Variants in CHRNA2 observed in about 807,000 individuals in gnomAD.
CHRNA2 encodes the protein neuronal acetylcholine receptor subunit alpha-2.
Under a neutral mutation model 45.5 loss-of-function variants are expected in CHRNA2, and 40 were observed. That is an observed-to-expected ratio of 0.88 (90% CI 0.68 to 1.15). The LOEUF is 1.15. CHRNA2 is among the 50% of genes most tolerant of loss of function. The probability of loss-of-function intolerance (pLI) is 0.00; values close to 1 mark genes in which losing one functional copy is unlikely to be tolerated. For missense variants in CHRNA2, 655 were observed against 701.7 expected (o/e 0.93, Z 0.75); for synonymous variants, 301 against 296.7 (o/e 1.01, Z -0.15).
chr8:27,461,866 CAG>C, intron 6 of CHRNA2, 112 bp from the exon 7 acceptor site: 1 of 1,474,490 alleles, frequency 6.8e-7, no homozygotes, highest in South Asian at 1.1e-5. Flanking sequence ...AACTGCCCCA[CAG>C]AGACCTTGGG....
intron 6 of CHRNA2, among the ~76,000 whole-genome samples, chr8:27,462,660 T>C (rs1351281381): frequency 2.0e-5 from 3 of 152,128 alleles, no homozygotes; most frequent in African/African-American, 7.2e-5. Flanking sequence ...TCCAAGGCAA[T>C]GGTGGGAGCT....
intron 1 of CHRNA2, among the ~76,000 whole-genome samples, chr8:27,471,699 A>G (rs776719314): frequency 1.2e-4 from 18 of 152,236 alleles, no homozygotes; most frequent in Non-Finnish European, 2.1e-4. Flanking sequence ...CCTAGAAAGC[A>G]TTGTGCAAAG....
chr8:27,469,630 G>A, intron 3 of CHRNA2, 131 bp downstream of exon 3: 10 of 1,196,020 alleles, frequency 8.4e-6, no homozygotes, highest in Non-Finnish European at 1.1e-5. Context: ...CCTGGGAAGA[G>A]CCATCCCCAA....
intron 3 of CHRNA2, 181 bp from the exon 4 acceptor site, chr8:27,469,560 G>T: frequency 1.2e-6 from 1 of 854,564 alleles, no homozygotes; most frequent in Non-Finnish European, 1.9e-6. Flanking sequence ...AGGCACTGCT[G>T]CCAATCAATG....
At chr8:27,467,496 T>A in intron 4 of CHRNA2, 158 bp from the exon 5 acceptor site, 2 of 620,354 alleles carry the variant, frequency 3.2e-6, no homozygotes, top group Non-Finnish European at 5.8e-6. Context: ...GCTGCGGTGC[T>A]GGGAACGGGC....
At chr8:27,475,928 G>A (rs543927376) in intron 1 of CHRNA2, among the ~76,000 whole-genome samples, 1 of 152,272 alleles carries the variant, frequency 6.6e-6, no homozygotes, top group African/African-American at 2.4e-5. Flanking sequence ...CACAGCCCCA[G>A]CTTACTTTGT....
chr8:27,479,249 C>CACACACACACACAT lies in CHRNA2; in HGVS notation c.-563_-562insATGTGTGTGTGTGT, dbSNP rs1491281437. 5.0e-5 allele frequency: 7 copies of CACACACACACACAT among 141,404 alleles called. No homozygotes were observed. Among genetic ancestry groups the CACACACACACACAT allele is most frequent in the African/African-American group, 1.9e-4 (7 of 36,922 alleles). The allele number at this position is 141,404 out of a possible 1,614,324, so 8.8% of individuals were successfully genotyped here. ...GGCTCACGCTGTTCTCTCTCTCTCT[C>CACACACACACACAT]ACACACACACACACATACACACACA... On this transcript the variant is annotated 5_prime_UTR_variant, in exon 1 of 7. In the 5' UTR this introduces an upstream ATG that the reference lacks. Coordinates refer to ENST00000407991, the MANE Select transcript of CHRNA2 (RefSeq NM_000742.4).
In CHRNA2 at chr8:27,461,552, C is replaced by T; in HGVS notation, c.*77G>A. 3 of 1,604,482 alleles carry T rather than the reference C, an allele frequency of 1.9e-6. No homozygotes were observed. The highest frequency in any genetic ancestry group is 1.7e-6 in the Non-Finnish European group (2 of 1,172,756). On this transcript the variant is annotated 3_prime_UTR_variant, in exon 7 of 7. Transcript: ENST00000407991. The stretch of plus-strand genomic sequence containing the variant: ...GCACCTGCTCATCCCAAAGGGGACA[C>T]CAGAGGCAGCTGTAGCAGAGACGGT...
rs1421146968 is a variant in CHRNA2, at chr8:27,469,378, T to A, written c.296A>T (p.Asp99Val). The A allele has an allele frequency of 6.4e-7, 1 of 1,556,484 alleles. No homozygotes were observed. The highest frequency in any genetic ancestry group is 1.9e-5 in the Admixed American group (1 of 51,738). Reference protein sequence around the residue: ...GLSIAQLIDVDEKNQMMTTNV... With the variant: ...GLSIAQLIDVVEKNQMMTTNV... Reference sequence around the variant, plus strand: ...GGTGGTCATCATTTGGTTCTTCTCATCCTGGCCCAGAGAGAGACAGAGGAG... The same window carrying A: ...GGTGGTCATCATTTGGTTCTTCTCAACCTGGCCCAGAGAGAGACAGAGGAG... The change falls in exon 4 of 7, where the codon GAT (aspartate) becomes GTT (valine). Residue 99 changes from aspartate to valine, a missense_variant and splice_region_variant. This residue lies in a region of CHRNA2 where 323 missense variants were observed against 354.4 expected (regional missense o/e 0.91). Transcript: ENST00000407991.
intron 1 of CHRNA2, among the ~76,000 whole-genome samples, chr8:27,474,913 T>G (rs751203207): frequency 6.6e-5 from 10 of 152,202 alleles, no homozygotes; most frequent in Admixed American, 2.0e-4. Context: ...CCAGGGGACT[T>G]CCCCAAAGCA....
Position 27,463,638 on chromosome 8 carries a change from T to C in CHRNA2, c.805A>G (p.Thr269Ala). 6.2e-7 allele frequency: 1 copy of C among 1,614,080 alleles called. No homozygotes were observed. The highest frequency in any genetic ancestry group is 8.5e-7 in the Non-Finnish European group (1 of 1,180,020). The change falls in exon 6 of 7, where the codon ACC becomes GCC. Residue 269 changes from threonine (T) to alanine (A), a missense_variant. Thr to Ala is a moderately conservative substitution (Grantham distance 58, BLOSUM62 0). This residue lies in a region of CHRNA2 where 37 missense variants were observed against 66.8 expected (regional missense o/e 0.55). Transcript: ENST00000407991. This position sits in a 1 kb window ranked among gnomAD's most constrained non-coding sequence, Gnocchi z 6.1. The stretch of plus-strand genomic sequence containing the variant: ...AGGCAGGGGATGATGAGGTTGATGG[T>C]GTAGAAGAGCGGCAGCCGCCGGATG... ...FVIRRLPLFY[T>A]INLIIPCLLI... is the part of the protein sequence containing the mutation.
intron 1 of CHRNA2, among the ~76,000 whole-genome samples, chr8:27,475,755 G>A (rs1813041786): frequency 6.6e-6 from 1 of 152,192 alleles, no homozygotes; most frequent in Non-Finnish European, 1.5e-5. Flanking sequence ...GGTCAGCTGT[G>A]TTCATCTGGA....
rs768590131 is a variant in CHRNA2 at position 27,463,742 on chromosome 8, A to G, written c.701T>C (p.Val234Ala). ...DYWESGEWAI[V>A]NATGTYNSKK... Reference sequence around the variant, plus strand: ...GCTGTTGTAGGTGCCCGTGGCATTGACGATGGCCCACTCGCCGCTCTCCCA... The same window carrying G: ...GCTGTTGTAGGTGCCCGTGGCATTGGCGATGGCCCACTCGCCGCTCTCCCA... The change falls in exon 6 of 7, where the codon GTC (valine) becomes GCC (alanine). Residue 234 changes from valine to alanine, a missense_variant. By Grantham distance (64) the Val-to-Ala change is moderately conservative (BLOSUM62 0). Around this residue, in one of 3 missense-constraint regions of CHRNA2, gnomAD observed 323 missense variants for 354.4 expected, o/e 0.91. Coordinates refer to ENST00000407991, the MANE Select transcript of CHRNA2 (RefSeq NM_000742.4). The surrounding 1 kb of genome is among the most constrained non-coding windows in gnomAD (Gnocchi z 6.1). The G allele has an allele frequency of 4.3e-6, 7 of 1,613,888 alleles. No individual in the cohort carries two copies. The highest frequency in any genetic ancestry group is 2.5e-6 in the Non-Finnish European group (3 of 1,179,986).
At chr8:27,461,963 C>T (rs1345250395) in intron 6 of CHRNA2, among the ~76,000 whole-genome samples, 1 of 152,198 alleles carries the variant, frequency 6.6e-6, no homozygotes, top group Non-Finnish European at 1.5e-5. Context: ...CTGATGATTC[C>T]CCTCCCATCC....
rs1011219026 is a variant in CHRNA2, at chr8:27,478,885, T to C, written c.-198A>G. 2.0e-5 allele frequency: 3 copies of C among 152,130 alleles called. No individual in the cohort carries two copies. Among genetic ancestry groups the C allele is most frequent in the Non-Finnish European group, 4.4e-5 (3 of 68,052 alleles). The allele number at this position is 152,130 out of a possible 1,614,324, so 9.4% of individuals were successfully genotyped here. Reference sequence around the variant, plus strand: ...GCAGAGAACCAGCCTGGCTTGGAGATTCTGGGCAGCTGACAAAAGTCACCC... The same window carrying C: ...GCAGAGAACCAGCCTGGCTTGGAGACTCTGGGCAGCTGACAAAAGTCACCC... On this transcript the variant is annotated 5_prime_UTR_variant, in exon 1 of 7. Transcript: ENST00000407991.
In CHRNA2 at chr8:27,463,317, G is replaced by A. The variant is rs1018084204; in HGVS notation, c.1126C>T (p.Arg376Trp). The change falls in exon 6 of 7, where the codon CGG (arginine) becomes TGG (tryptophan). Residue 376 changes from arginine (R) to tryptophan (W), a missense_variant. Arg to Trp is a moderately radical substitution (Grantham distance 101). Coordinates refer to ENST00000407991, the MANE Select transcript of CHRNA2 (RefSeq NM_000742.4). The surrounding 1 kb of genome is among the most constrained non-coding windows in gnomAD (Gnocchi z 6.1). ...GGGGGCCGGTTCATCAGAAGCCACC[G>A]GGGCACACAGCCCAGAAGGGCCCCC... is the stretch of plus-strand genomic sequence containing the variant. ...VRGALLGCVP[R>W]WLLMNRPPPP... 15 of 1,612,466 alleles carry A rather than the reference G, an allele frequency of 9.3e-6. No individual in the cohort carries two copies. The highest frequency in any genetic ancestry group is 2.2e-5 in the East Asian group (1 of 44,860).
chr8:27,466,576 C>T (rs370042775), intron 5 of CHRNA2, among the ~76,000 whole-genome samples: 5 of 152,278 alleles, frequency 3.3e-5, no homozygotes, highest in East Asian at 3.9e-4. Context: ...TTTAGATGAA[C>T]ATAACACCAA....
chr8:27,468,904 A>C lies in CHRNA2; in HGVS notation c.339+431T>G, dbSNP rs372095957. The stretch of plus-strand genomic sequence containing the variant: ...TTGGGTGGCAGTATAGGTATTAAGC[A>C]CTCAGCGTTCTCCCATAGAAGGAGC... On this transcript the variant is annotated intron_variant, in intron 4 of 6. Coordinates refer to ENST00000407991, the MANE Select transcript of CHRNA2 (RefSeq NM_000742.4). 1.1e-4 allele frequency among the ~76,000 whole-genome samples: 16 copies of C among 152,284 alleles called. No homozygotes were observed. The East Asian group carries it at 1.4e-3, about 13-fold the overall frequency.
chr8:27,460,378 GGA>G lies in CHRNA2; in HGVS notation c.*1249_*1250del, dbSNP rs1420746767. The G allele has an allele frequency of 6.6e-6, 1 of 152,234 alleles. No individual in the cohort carries two copies. Among genetic ancestry groups the G allele is most frequent in the Non-Finnish European group, 1.5e-5 (1 of 68,148 alleles). 9.4% of individuals were successfully genotyped at this position (152,234 alleles called of 1,614,324 possible). ...CAGGTCAACACACCTCGGGGCTCTGGGAGAGACGAGGCAGGCTGATAAGGGAC... is the reference window on the plus strand; with the variant it reads ...CAGGTCAACACACCTCGGGGCTCTGGGAGACGAGGCAGGCTGATAAGGGAC... On this transcript the variant is annotated 3_prime_UTR_variant, in exon 7 of 7. Transcript: ENST00000407991.
Sources: allele counts gnomAD v4.1 joint callset (sites outside exome capture counted in the v4.1 genomes callset), GRCh38; gene constraint gnomAD v4.1.1; regional missense constraint gnomAD v4.1.1; non-coding constraint Gnocchi (gnomAD v3.1); transcripts MANE v1.5; gene names NCBI Gene and HGNC (gene_info 2026-07-23, HGNC 2026-07-21).